The following CFAP20DC variants were observed in gnomAD, a reference collection of about 807,000 sequenced individuals.
The protein encoded by CFAP20DC is CFAP20 domain containing, also known as protein CFAP20DC.
CFAP20DC carries 84 observed loss-of-function variants against 101.7 expected under a neutral mutation model. The ratio of observed to expected loss-of-function variants is 0.83; its 90% confidence interval spans 0.69 to 0.99. The LOEUF (loss-of-function observed/expected upper bound fraction) is 0.99. Ranked by LOEUF, CFAP20DC falls within the 50% of genes least tolerant of loss-of-function variation. The pLI is 0.00. For synonymous variants in CFAP20DC, 359 were observed against 351.2 expected, an observed-to-expected ratio of 1.02 and a Z score of -0.25; for missense variants, 1,007 against 970.3, an observed-to-expected ratio of 1.04 and a Z score of -0.50.
chr3:58,777,148 G>A (rs1414602302), intron 15 of CFAP20DC, among the ~76,000 whole-genome samples: 1 of 152,204 alleles, frequency 6.6e-6, no homozygotes, highest in Non-Finnish European at 1.5e-5. Context: ...TCTGTTCACT[G>A]AGATAAATGC....
chr3:58,946,279 G>A lies in CFAP20DC; in HGVS notation c.279-8517C>T, dbSNP rs59671741. Among the ~76,000 whole-genome samples the A allele has an allele frequency of 2.7e-3, 407 of 151,838 alleles. 1 individual carries two copies. The highest frequency in any genetic ancestry group is 9.3e-3 in the African/African-American group (384 of 41,396). ...CTACAGGCATGTGCCACCATGCCCG[G>A]CTAATTTTTTGTATTTTTAGTAGAG... is the stretch of plus-strand genomic sequence containing the variant. On this transcript the variant is annotated intron_variant, in intron 4 of 16. Transcript: ENST00000482387.
downstream of CFAP20DC, chr3:58,737,304 TCACACACACACACACACAGA>T (rs2067779718): frequency 2.3e-6 from 1 of 439,004 alleles, no homozygotes; most frequent in African/African-American, 2.0e-5. The surrounding 1 kb of genome is among the most constrained non-coding windows in gnomAD (Gnocchi z 4.1). Flanking sequence ...CAAATCTCTC[TCACACACACACACACACAGA>T]CACACACCCA....
At chr3:58,884,780 G>A in intron 6 of CFAP20DC, 71 bp from the exon 7 acceptor site, 1 of 1,251,930 alleles carries the variant, frequency 8.0e-7, no homozygotes, top group Non-Finnish European at 1.1e-6. Context: ...TCATATAAAT[G>A]AAATCAATTA....
At chr3:58,875,488 T>C (rs1020454401) in intron 7 of CFAP20DC, among the ~76,000 whole-genome samples, 2 of 152,174 alleles carry the variant, frequency 1.3e-5, no homozygotes, top group African/African-American at 4.8e-5. Flanking sequence ...GGTGTGGGCC[T>C]GGGAGGGATT....
intron 4 of CFAP20DC, among the ~76,000 whole-genome samples, chr3:58,956,813 T>C (rs1171416043): frequency 1.3e-5 from 2 of 152,146 alleles, no homozygotes; most frequent in Non-Finnish European, 2.9e-5. Context: ...AGCAGACACA[T>C]TCTTCTTCAC....
intron 16 of CFAP20DC, among the ~76,000 whole-genome samples, chr3:58,747,863 A>T (rs887175854): frequency 6.6e-6 from 1 of 152,164 alleles, no homozygotes; most frequent in African/African-American, 2.4e-5. Context: ...TGTACCCTCA[A>T]ATGGGAGAAA....
intron 4 of CFAP20DC, among the ~76,000 whole-genome samples, chr3:58,939,344 G>A (rs956661858): frequency 6.6e-6 from 1 of 152,058 alleles, no homozygotes; most frequent in Non-Finnish European, 1.5e-5. Context: ...TGGGATTCTA[G>A]AAAGGAAAAG....
chr3:58,811,941 A>C (rs2074674675), intron 14 of CFAP20DC, among the ~76,000 whole-genome samples: 1 of 152,166 alleles, frequency 6.6e-6, no homozygotes, highest in Non-Finnish European at 1.5e-5. Flanking sequence ...GCAGCCAAAA[A>C]ACACATGAAA....
At position 58,807,442 on chromosome 3, in the gene CFAP20DC, T is replaced by A. The variant is rs571219318; in HGVS notation, c.2176-986A>T. ...GCTGTTCTGCAGCCACCGCTGCGGA[T>A]ACCCAGGCAAATAGGGTCTGGAGTG... On this transcript the variant is annotated intron_variant, in intron 14 of 16. Coordinates refer to ENST00000482387, the MANE Select transcript of CFAP20DC (RefSeq NM_001394063.1). 2.6e-5 allele frequency among the ~76,000 whole-genome samples: 4 copies of A among 152,282 alleles called. No homozygotes were observed. In the South Asian group the frequency reaches 8.3e-4, roughly 32 times the overall value.
At position 58,859,765 on chromosome 3, in the gene CFAP20DC, C is replaced by G. The variant is rs1476886381; in HGVS notation, c.1593+3793G>C. Among the ~76,000 whole-genome samples, 2 of 152,052 alleles carry G rather than the reference C, an allele frequency of 1.3e-5. No individual in the cohort carries two copies. Among genetic ancestry groups the G allele is most frequent in the Non-Finnish European group, 2.9e-5 (2 of 68,002 alleles). Reference sequence around the variant, plus strand: ...TCAAAATAGAGTCTTTTCATTTTTTCCCAACACATAAACTAAATTTAAAAG... The same window carrying G: ...TCAAAATAGAGTCTTTTCATTTTTTGCCAACACATAAACTAAATTTAAAAG... On this transcript the variant is annotated intron_variant, in intron 12 of 16. Coordinates refer to ENST00000482387, the MANE Select transcript of CFAP20DC (RefSeq NM_001394063.1). The surrounding 1 kb of genome is among the most constrained non-coding windows in gnomAD (Gnocchi z 4.1).
intron 15 of CFAP20DC, among the ~76,000 whole-genome samples, chr3:58,773,278 C>T (rs1374433359): frequency 6.6e-6 from 1 of 151,396 alleles, no homozygotes; most frequent in Non-Finnish European, 1.5e-5. Context: ...TGGCCAGGTG[C>T]AGTGGCTCAT....
rs552689560 is a variant in CFAP20DC at position 59,002,764 on chromosome 3, T to C, written c.278+36793A>G. On this transcript the variant is annotated intron_variant, in intron 4 of 16. Transcript: ENST00000482387. This position sits in a 1 kb window ranked among gnomAD's most constrained non-coding sequence, Gnocchi z 4.5. The stretch of plus-strand genomic sequence containing the variant: ...AAAGAGATGTTATTTTAAGTAAATA[T>C]AAAAAAGAGAGCATTTGTGACCTTC... Among the ~76,000 whole-genome samples the C allele has an allele frequency of 1.3e-5, 2 of 152,326 alleles. No individual in the cohort carries two copies. The highest frequency in any genetic ancestry group is 2.1e-4 in the South Asian group (1 of 4,832).
chr3:58,849,839 G>C (rs141164671), intron 12 of CFAP20DC, among the ~76,000 whole-genome samples: 1 of 152,262 alleles, frequency 6.6e-6, no homozygotes, highest in Admixed American at 6.5e-5. Flanking sequence ...CTTAAGCAGA[G>C]AAATGGTACT....
intron 11 of CFAP20DC, among the ~76,000 whole-genome samples, chr3:58,865,777 AT>A (rs1418484920): frequency 2.0e-5 from 3 of 152,236 alleles, no homozygotes. Context: ...CACTTAAACA[AT>A]TTGTATGACC....
At chr3:58,959,465 T>C (rs1220836063) in intron 4 of CFAP20DC, among the ~76,000 whole-genome samples, 1 of 152,230 alleles carries the variant, frequency 6.6e-6, no homozygotes, top group Non-Finnish European at 1.5e-5. Context: ...GGTTCTAAAA[T>C]AAGTTTTATA....
At chr3:58,890,282 G>C (rs1195420593) in intron 6 of CFAP20DC, among the ~76,000 whole-genome samples, 3 of 142,338 alleles carry the variant, frequency 2.1e-5, no homozygotes, top group African/African-American at 7.9e-5. Context: ...CTCACCTCCC[G>C]GACGGGGCGG....
chr3:58,870,536 A>C (rs1051907611), intron 7 of CFAP20DC, among the ~76,000 whole-genome samples: 7 of 151,738 alleles, frequency 4.6e-5, no homozygotes, highest in Non-Finnish European at 7.4e-5. Context: ...AAGTCCCCCC[A>C]AGTAATTTTT....
At chr3:58,944,216 T>C (rs1029268250) in intron 4 of CFAP20DC, among the ~76,000 whole-genome samples, 6 of 151,988 alleles carry the variant, frequency 3.9e-5, no homozygotes, top group African/African-American at 4.8e-5. Flanking sequence ...ATTCAGGAAA[T>C]ACAGAGACCA....
rs1290076818 is a variant in CFAP20DC at position 58,937,690 on chromosome 3, A to T, written c.351T>A (p.Pro117=). 7 of 1,612,618 alleles carry T rather than the reference A, an allele frequency of 4.3e-6. No homozygotes were observed. The highest frequency in any genetic ancestry group is 5.9e-6 in the Non-Finnish European group (7 of 1,178,670). ...STVHKELSST[P]LHAKIPLFMI... The stretch of plus-strand genomic sequence containing the variant: ...TGAAGAGTGGAATTTTTGCATGAAG[A>T]GGGGTGGAGGATAGTTCCTTATGGA... The change falls in exon 5 of 17, where the codon CCT becomes CCA. Residue 117 remains proline (P), a synonymous_variant. Transcript: ENST00000482387.
Sources: gnomAD v4.1 joint callset for allele counts (sites outside exome capture counted in the v4.1 genomes callset) on GRCh38, gnomAD v4.1.1 for gene constraint, Gnocchi (gnomAD v3.1) non-coding constraint, MANE v1.5 for transcripts, NCBI Gene and HGNC (gene_info 2026-07-23, HGNC 2026-07-21) for gene names.